The following NFIC variants were observed in gnomAD, a reference collection of about 807,000 sequenced individuals.
NFIC encodes nuclear factor I C, also known as nuclear factor 1 C-type.
Under a neutral mutation model 54.4 loss-of-function variants are expected in NFIC, and 12 were observed. The ratio of observed to expected loss-of-function variants is 0.22; its 90% CI spans 0.14 to 0.36. NFIC has a LOEUF of 0.36. Among genes scored for constraint, NFIC ranks in the 10% least tolerant of loss-of-function variants. The pLI is 1.00. For missense variants in NFIC, 575 were observed against 718.2 expected (o/e 0.80, Z 2.28); for synonymous variants, 322 against 319.2 (o/e 1.01, Z -0.09).
intron 6 of NFIC, among the ~76,000 whole-genome samples, chr19:3,441,275 C>T (rs1402965764): frequency 6.6e-6 from 1 of 152,266 alleles, no homozygotes; most frequent in Non-Finnish European, 1.5e-5. Flanking sequence ...GGACACGGAA[C>T]CACGTGGCCG....
At chr19:3,415,042 G>T (rs2081830879) in intron 2 of NFIC, among the ~76,000 whole-genome samples, 1 of 152,026 alleles carries the variant, frequency 6.6e-6, no homozygotes, top group Non-Finnish European at 1.5e-5. Context: ...GTTTCTCCAT[G>T]TTGGCCAGGC....
intron 2 of NFIC, among the ~76,000 whole-genome samples, chr19:3,385,757 C>T (rs923406427): frequency 3.3e-5 from 5 of 151,732 alleles, no homozygotes; most frequent in East Asian, 1.9e-4. Context: ...ATTTTTAATA[C>T]GGACGGGGTT....
At position 3,452,863 on chromosome 19, in the gene NFIC, C is replaced by T. The variant is rs534425984; in HGVS notation, c.1269+197C>T. ...TGCTTTCGGATGTCAGGGTTTCGGG[C>T]GCATCATGTCGCACCCTGTGGGGTC... On this transcript the variant is annotated intron_variant, in intron 8 of 10. Coordinates refer to ENST00000443272, the MANE Select transcript of NFIC (RefSeq NM_001245002.2). This position sits in a 1 kb window ranked among gnomAD's most constrained non-coding sequence, Gnocchi z 5.3. Among the ~76,000 whole-genome samples the T allele has an allele frequency of 6.6e-6, 1 of 152,190 alleles. No homozygotes were observed. Among genetic ancestry groups the T allele is most frequent in the Non-Finnish European group, 1.5e-5 (1 of 68,034 alleles).
At chr19:3,366,968 CA>C (rs1555737761) in intron 1 of NFIC, among the ~76,000 whole-genome samples, 3 of 122,118 alleles carry the variant, frequency 2.5e-5, no homozygotes, top group Non-Finnish European at 5.7e-5. Context: ...GTCCCCCCCC[CA>C]CACACCGACG....
At chr19:3,404,729 G>A (rs1230208676) in intron 2 of NFIC, among the ~76,000 whole-genome samples, 3 of 152,224 alleles carry the variant, frequency 2.0e-5, no homozygotes, top group Non-Finnish European at 4.4e-5. Flanking sequence ...GAAAATGGCC[G>A]CCAGAGGGAT....
Position 3,453,738 on chromosome 19 carries a change from A to G in NFIC, c.1270-25A>G. The G allele has an allele frequency of 6.3e-7, 1 of 1,590,336 alleles. No homozygotes were observed. Among genetic ancestry groups the G allele is most frequent in the Non-Finnish European group, 8.5e-7 (1 of 1,170,766 alleles). On this transcript the variant is annotated intron_variant, in intron 8 of 10. Coordinates refer to ENST00000443272, the MANE Select transcript of NFIC (RefSeq NM_001245002.2). This position sits in a 1 kb window ranked among gnomAD's most constrained non-coding sequence, Gnocchi z 6.7. ...AGGTAGAGGGGGAGCCCACCCCTTA[A>G]CCACGTGTCTCTCTGTTCCCCCAGT...
intron 1 of NFIC, 82 bp downstream of exon 1, chr19:3,366,748 G>A: frequency 2.0e-6 from 2 of 1,023,520 alleles, no homozygotes; most frequent in African/African-American, 1.7e-5. Context: ...GGAGGAGGCG[G>A]GACGAAAAAG....
chr19:3,417,750 C>T (rs11672131), intron 2 of NFIC, among the ~76,000 whole-genome samples: 71,042 of 146,994 alleles, frequency 0.48, 18,615 homozygotes, highest in Non-Finnish European at 0.6. Flanking sequence ...CTCAGCCTCC[C>T]GAGTAGCTGG....
chr19:3,438,076 C>T (rs977876052), intron 6 of NFIC, among the ~76,000 whole-genome samples: 10 of 152,060 alleles, frequency 6.6e-5, no homozygotes, highest in African/African-American at 2.2e-4. Context: ...ACCACCTTTG[C>T]GATGAGCCAA....
chr19:3,386,414 C>T (rs913360398), intron 2 of NFIC, among the ~76,000 whole-genome samples: 2 of 145,944 alleles, frequency 1.4e-5, no homozygotes, highest in African/African-American at 5.1e-5. Context: ...CCTCTACTTC[C>T]TGGGTTCAAG....
chr19:3,383,078 G>A (rs1054207852), intron 2 of NFIC, among the ~76,000 whole-genome samples: 13 of 152,202 alleles, frequency 8.5e-5, no homozygotes, highest in South Asian at 2.1e-4. Context: ...TGGGCACAAC[G>A]GACGGCCTTG....
chr19:3,378,286 A>T (rs1307155427), intron 1 of NFIC, among the ~76,000 whole-genome samples: 1 of 147,152 alleles, frequency 6.8e-6, no homozygotes. Context: ...AAAAAAGGAG[A>T]TGGGGTTTCG....
chr19:3,417,934 G>A (rs2081892374), intron 2 of NFIC, among the ~76,000 whole-genome samples: 2 of 3,542 alleles, frequency 5.6e-4, no homozygotes, highest in African/African-American at 6.1e-3. Context: ...CACCGTGCCC[G>A]GCCACCTCTG....
At chr19:3,398,082 C>T (rs902828459) in intron 2 of NFIC, among the ~76,000 whole-genome samples, 10 of 152,148 alleles carry the variant, frequency 6.6e-5, no homozygotes, top group Admixed American at 2.0e-4. Flanking sequence ...GACACTCTTC[C>T]GGCGCCCACT....
rs139734086 is a variant in NFIC, at chr19:3,404,476, G to A, written c.563-20630G>A. Reference sequence around the variant, plus strand: ...GCGCGGGTGGGCGCTTGGCAAGGCCGCCCTGCTGTTGGCACCACGTGTTTA... The same window carrying A: ...GCGCGGGTGGGCGCTTGGCAAGGCCACCCTGCTGTTGGCACCACGTGTTTA... On this transcript the variant is annotated intron_variant, in intron 2 of 10. Transcript: ENST00000443272. 3.4e-3 allele frequency among the ~76,000 whole-genome samples: 516 copies of A among 152,246 alleles called. 3 individuals carry two copies. Among genetic ancestry groups the A allele is most frequent in the African/African-American group, 0.012 (497 of 41,554 alleles).
chr19:3,428,165 C>G (rs1193503644), intron 3 of NFIC, among the ~76,000 whole-genome samples: 1 of 125,532 alleles, frequency 8.0e-6, no homozygotes, highest in Admixed American at 7.9e-5. Context: ...AGTAAAAACT[C>G]CGTCTCAAAA....
chr19:3,375,096 A>T lies in NFIC; in HGVS notation c.31-6616A>T, dbSNP rs1306657479. Reference sequence around the variant, plus strand: ...AGGGGCCAGATGAGAAAAGGAATTAAGAGGAGAGGGGAAGTGGGGAGGGGG... The same window carrying T: ...AGGGGCCAGATGAGAAAAGGAATTATGAGGAGAGGGGAAGTGGGGAGGGGG... On this transcript the variant is annotated intron_variant, in intron 1 of 10. Coordinates refer to ENST00000443272, the MANE Select transcript of NFIC (RefSeq NM_001245002.2). This position sits in a 1 kb window ranked among gnomAD's most constrained non-coding sequence, Gnocchi z 4.6. Among the ~76,000 whole-genome samples, 7 of 133,480 alleles carry T rather than the reference A, an allele frequency of 5.2e-5. No individual in the cohort carries two copies. In the Admixed American group the frequency reaches 5.7e-4, roughly 11 times the overall value. 87.6% of individuals were successfully genotyped at this position (133,480 alleles called of 152,430 possible). A position where few individuals can be genotyped will look rare whatever the true frequency, so the allele number is the denominator to read the frequency against.
In NFIC at chr19:3,425,176, G is replaced by T; in HGVS notation, c.633G>T (p.Leu211=). The T allele has an allele frequency of 6.2e-7, 1 of 1,610,340 alleles. No individual in the cohort carries two copies. Among genetic ancestry groups the T allele is most frequent in the Non-Finnish European group, 8.5e-7 (1 of 1,179,294 alleles). ...SDQEDSKPIT[L]DTTDFQESFV... ...AGGAGGACAGCAAGCCCATCACGCT[G>T]GGTGAGTCTGGGGGCAGCGTGGCGG... Residue 211 remains leucine (L), a splice_region_variant and synonymous_variant, in exon 3 of 11, where the codon CTG becomes CTT. Transcript: ENST00000443272.
chr19:3,435,332 C>T, intron 6 of NFIC, 125 bp downstream of exon 6: 1 of 1,338,614 alleles, frequency 7.5e-7, no homozygotes, highest in Non-Finnish European at 9.9e-7. Flanking sequence ...CGCGGGGCCT[C>T]CTGGGAATTG....
Sources: allele counts gnomAD v4.1 joint callset (sites outside exome capture counted in the v4.1 genomes callset), GRCh38; gene constraint gnomAD v4.1.1; non-coding constraint Gnocchi (gnomAD v3.1); transcripts MANE v1.5; gene names NCBI Gene and HGNC (gene_info 2026-07-23, HGNC 2026-07-21).